Variants in RREB1 observed in about 807,000 individuals in gnomAD.
RREB1 encodes ras-responsive element-binding protein 1.
In RREB1, 27 loss-of-function variants were observed where a neutral mutation model predicts 117.8. The observed-to-expected ratio is 0.23, with a 90% CI of 0.17 to 0.32. The LOEUF (loss-of-function observed/expected upper bound fraction) is 0.32, where lower values mean the gene tolerates loss of function less well. Among genes scored for constraint, RREB1 ranks in the 10% least tolerant of loss-of-function variants. The pLI, the probability that RREB1 is intolerant of heterozygous loss-of-function variation, is 1.00. For missense variants in RREB1, 2,577 were observed against 2,378.2 expected (o/e 1.08, Z -1.74); for synonymous variants, 1,298 against 1,026.7 (o/e 1.26, Z -5.05).
chr6:7,231,906 T>C lies in RREB1; in HGVS notation c.3807T>C (p.Thr1269=). 2 of 1,586,814 alleles carry C rather than the reference T, an allele frequency of 1.3e-6. No homozygotes were observed. Among genetic ancestry groups the C allele is most frequent in the South Asian group, 1.1e-5 (1 of 88,106 alleles). Residue 1269 remains threonine (T), a splice_region_variant and synonymous_variant, in exon 10 of 13, where the codon ACT becomes ACC. Coordinates refer to ENST00000379938, the MANE Select transcript of RREB1 (RefSeq NM_001003699.4). The part of the protein sequence containing the change: ...SSLQRHMLTH[T]GQKPFPCQKC... The stretch of plus-strand genomic sequence containing the variant: ...TACAGAGGCACATGCTCACACACAC[T>C]GGTAAGAGGGCCACCGGGCTCCCAG...
chr6:7,175,255 G>A (rs574594126), intron 1 of RREB1, among the ~76,000 whole-genome samples: 25 of 151,450 alleles, frequency 1.7e-4, no homozygotes, highest in African/African-American at 5.1e-4. Context: ...CATGTGTCAC[G>A]CAAAACAGGG....
chr6:7,147,165 T>A (rs2113410965), intron 1 of RREB1, among the ~76,000 whole-genome samples: 1 of 152,288 alleles, frequency 6.6e-6, no homozygotes, highest in East Asian at 1.9e-4. Context: ...CTGCTTCACC[T>A]TCAGACTGCC....
intron 8 of RREB1, among the ~76,000 whole-genome samples, chr6:7,220,729 C>T (rs1037201196): frequency 1.3e-5 from 2 of 152,252 alleles, no homozygotes; most frequent in Admixed American, 6.5e-5. Flanking sequence ...CTCCCCTCTC[C>T]TGTGGCTCTA....
At chr6:7,155,259 TGAA>T (rs1251929062) in intron 1 of RREB1, among the ~76,000 whole-genome samples, 1 of 152,236 alleles carries the variant, frequency 6.6e-6, no homozygotes, top group Non-Finnish European at 1.5e-5. Flanking sequence ...TCAGGTGGTC[TGAA>T]GAAGGTTTCT....
At chr6:7,218,825 T>TTAA (rs1200322327) in intron 8 of RREB1, 3 of 124,224 alleles carry the variant, frequency 2.4e-5, no homozygotes, top group African/African-American at 9.1e-5. Flanking sequence ...CAACTTTCTT[T>TTAA]AAAAAAAAAA....
chr6:7,123,155 T>C (rs1761749683), intron 1 of RREB1, among the ~76,000 whole-genome samples: 1 of 152,018 alleles, frequency 6.6e-6, no homozygotes, highest in Non-Finnish European at 1.5e-5. Flanking sequence ...TGAATGAAGT[T>C]GAATGTGTTT....
chr6:7,177,079 C>T (rs556184926), intron 2 of RREB1, among the ~76,000 whole-genome samples: 2 of 151,760 alleles, frequency 1.3e-5, no homozygotes, highest in Non-Finnish European at 2.9e-5. Context: ...ATTAGCCAGG[C>T]GTGGTGGTGC....
chr6:7,214,577 C>A (rs1766800149), intron 8 of RREB1: 1 of 152,312 alleles, frequency 6.6e-6, no homozygotes, highest in African/African-American at 2.4e-5. Flanking sequence ...CCATAATAGG[C>A]TGCTATCATA....
At chr6:7,142,321 C>T (rs980942775) in intron 1 of RREB1, among the ~76,000 whole-genome samples, 1 of 152,234 alleles carries the variant, frequency 6.6e-6, no homozygotes, top group South Asian at 2.1e-4. Context: ...CTCCGAGAGC[C>T]GGCTCCCATG....
At chr6:7,173,448 G>A (rs749954632) in intron 1 of RREB1, among the ~76,000 whole-genome samples, 5 of 151,468 alleles carry the variant, frequency 3.3e-5, no homozygotes, top group South Asian at 4.2e-4. Flanking sequence ...AGCCAAGATC[G>A]CGTCACTGCA....
intron 4 of RREB1, 35 bp downstream of exon 4, chr6:7,182,117 G>A (rs369143521): frequency 3.4e-4 from 534 of 1,572,424 alleles, no homozygotes; most frequent in Non-Finnish European, 3.5e-4. Context: ...CCTCTGGTGG[G>A]TTCAATCCAT....
intron 1 of RREB1, among the ~76,000 whole-genome samples, chr6:7,117,626 C>A (rs1292444555): frequency 6.6e-6 from 1 of 151,952 alleles, no homozygotes; most frequent in African/African-American, 2.4e-5. Flanking sequence ...CCAGGCTGGT[C>A]TTGAACTCCT....
intron 1 of RREB1, among the ~76,000 whole-genome samples, chr6:7,161,957 AT>A (rs1763689820): frequency 1.3e-5 from 2 of 152,336 alleles, no homozygotes; most frequent in Non-Finnish European, 2.9e-5. Context: ...GGCTTTAAAA[AT>A]TGTGAGGAGG....
intron 11 of RREB1, among the ~76,000 whole-genome samples, chr6:7,244,160 G>A (rs1446027798): frequency 1.3e-5 from 2 of 152,122 alleles, no homozygotes; most frequent in East Asian, 1.9e-4. Flanking sequence ...CTACTTGGGA[G>A]GCTGAGACAG....
At chr6:7,131,137 A>G (rs1375538642) in intron 1 of RREB1, among the ~76,000 whole-genome samples, 3 of 149,864 alleles carry the variant, frequency 2.0e-5, no homozygotes, top group South Asian at 2.1e-4. Context: ...ACGGGGTTTC[A>G]CTGTGGTCTC....
At chr6:7,235,930 G>C (rs1454103113) in intron 10 of RREB1, among the ~76,000 whole-genome samples, 2 of 152,134 alleles carry the variant, frequency 1.3e-5, no homozygotes, top group African/African-American at 2.4e-5. Context: ...TGTTTGATGA[G>C]GAAGCTGGCA....
chr6:7,240,861 A>G (rs2113167433), intron 11 of RREB1, among the ~76,000 whole-genome samples: 1 of 152,264 alleles, frequency 6.6e-6, no homozygotes, highest in South Asian at 2.1e-4. Context: ...GCTAGGGAAG[A>G]TCTGTCACCC....
In RREB1 at chr6:7,122,133, C is replaced by T. The variant is rs143767845; in HGVS notation, c.-285+14073C>T. Among the ~76,000 whole-genome samples the T allele has an allele frequency of 1.5e-3, 230 of 152,338 alleles. 1 individual carries two copies. The highest frequency in any genetic ancestry group is 5.1e-3 in the African/African-American group (214 of 41,576). On this transcript the variant is annotated intron_variant, in intron 1 of 12. Transcript: ENST00000379938. The stretch of plus-strand genomic sequence containing the variant: ...TATCATCCGAATAACTCATCAAAAC[C>T]TCAGGTGAGCATGCTCCAAAGAAGC...
At chr6:7,115,110 G>A (rs1581400209) in intron 1 of RREB1, among the ~76,000 whole-genome samples, 1 of 151,838 alleles carries the variant, frequency 6.6e-6, no homozygotes, top group East Asian at 1.9e-4. Flanking sequence ...ATAACCGTCT[G>A]CCGTTTTTAT....
Sources: allele counts gnomAD v4.1 joint callset (sites outside exome capture counted in the v4.1 genomes callset), GRCh38; gene constraint gnomAD v4.1.1; transcripts MANE v1.5; gene names NCBI Gene and HGNC (gene_info 2026-07-23, HGNC 2026-07-21).